The following SMARCD3 variants were observed in gnomAD, a reference collection of about 807,000 sequenced individuals.
SMARCD3 encodes the protein SWI/SNF related BAF chromatin remodeling complex subunit D3, also known as SWI/SNF-related matrix-associated actin-dependent regulator of chromatin subfamily D member 3.
In SMARCD3, 14 loss-of-function variants were observed where a neutral mutation model predicts 58.0. The ratio of observed to expected loss-of-function variants is 0.24; its 90% CI spans 0.16 to 0.38. The LOEUF is 0.38. SMARCD3 is among the 10% of genes least tolerant of loss of function. The probability of loss-of-function intolerance (pLI) is 1.00; values close to 1 mark genes in which losing one functional copy is unlikely to be tolerated. For synonymous variants in SMARCD3, 253 were observed against 253.8 expected (o/e 1.00, Z 0.03); for missense variants, 408 against 636.9 (o/e 0.64, Z 3.87).
rs755622354 is a variant in SMARCD3, at chr7:151,241,724, G to T, written c.778-71C>A. Reference sequence around the variant, plus strand: ...AAGGAGCCCAGGGCCAGGCCATTCAGGACTAGGGGGATGTGTTGATTGAGG... The same window carrying T: ...AAGGAGCCCAGGGCCAGGCCATTCATGACTAGGGGGATGTGTTGATTGAGG... On this transcript the variant is annotated intron_variant, in intron 7 of 12. Coordinates refer to ENST00000262188, the MANE Select transcript of SMARCD3 (RefSeq NM_001003801.2). The surrounding 1 kb of genome is among the most constrained non-coding windows in gnomAD (Gnocchi z 5.3). 4.1e-6 allele frequency: 6 copies of T among 1,457,894 alleles called. No individual in the cohort carries two copies. The highest frequency in any genetic ancestry group is 1.4e-5 in the African/African-American group (1 of 71,864). The allele number at this position is 1,457,894 out of a possible 1,614,324, so 90.3% of individuals were successfully genotyped here. A position where few individuals can be genotyped will look rare whatever the true frequency, so the allele number is the denominator to read the frequency against.
Position 151,239,612 on chromosome 7 carries a change from C to G in SMARCD3, c.1296+12G>C, listed in dbSNP as rs757029472. Reference sequence around the variant, plus strand: ...TCTTCCACTCCAGTACTCCCTGAGTCTCCCTCTTCACCTTGAGGTCCCGGC... The same window carrying G: ...TCTTCCACTCCAGTACTCCCTGAGTGTCCCTCTTCACCTTGAGGTCCCGGC... On this transcript the variant is annotated intron_variant, in intron 11 of 12. Coordinates refer to ENST00000262188, the MANE Select transcript of SMARCD3 (RefSeq NM_001003801.2). The surrounding 1 kb of genome is among the most constrained non-coding windows in gnomAD (Gnocchi z 7.0). 4.3e-6 allele frequency: 7 copies of G among 1,613,994 alleles called. No individual in the cohort carries two copies. In the East Asian group the frequency reaches 1.3e-4, roughly 31 times the overall value.
At position 151,242,890 on chromosome 7, in the gene SMARCD3, T is replaced by C; in HGVS notation, c.334-47A>G. The C allele has an allele frequency of 6.2e-7, 1 of 1,606,984 alleles. No individual in the cohort carries two copies. Among genetic ancestry groups the C allele is most frequent in the South Asian group, 1.1e-5 (1 of 90,288 alleles). On this transcript the variant is annotated intron_variant, in intron 3 of 12. Transcript: ENST00000262188. This position sits in a 1 kb window ranked among gnomAD's most constrained non-coding sequence, Gnocchi z 4.7. The stretch of plus-strand genomic sequence containing the variant: ...AGGAGTCAGAGGCTCAAGTCCAGGG[T>C]TGTACCATGGAATGTATGCATGTTG...
At chr7:151,266,544 A>T (rs971299447) in intron 2 of SMARCD3, among the ~76,000 whole-genome samples, 2 of 152,208 alleles carry the variant, frequency 1.3e-5, no homozygotes, top group African/African-American at 4.8e-5. Flanking sequence ...TGTATTGAGA[A>T]AGGGACAGGA....
rs1436772309 is a variant in SMARCD3 at position 151,239,560 on chromosome 7, C to T, written c.1297-63G>A. 1.2e-5 allele frequency: 19 copies of T among 1,611,706 alleles called. No homozygotes were observed. The highest frequency in any genetic ancestry group is 5.5e-5 in the South Asian group (5 of 91,040). On this transcript the variant is annotated intron_variant, in intron 11 of 12. Transcript: ENST00000262188. This position sits in a 1 kb window ranked among gnomAD's most constrained non-coding sequence, Gnocchi z 7.0. ...CCCCTCACCTGCCCCTGGAGTACAA[C>T]GTTTACTCTCTTTCCCGCTGTGCTT...
chr7:151,245,591 G>C lies in SMARCD3; in HGVS notation c.159C>G (p.Ser53Arg). Reference protein sequence around the residue: ...MGPPGSPYMGSPAVRPGLAPA... With the variant: ...MGPPGSPYMGRPAVRPGLAPA... The stretch of plus-strand genomic sequence containing the variant: ...GGGCCAGGCCGGGTCGCACGGCGGG[G>C]CTGCCCATGTACGGGGAGCCCGGGG... Residue 53 changes from serine (S) to arginine (R), a missense_variant, in exon 2 of 13, where the codon AGC becomes AGG. Around this residue, in one of 4 missense-constraint regions of SMARCD3, gnomAD observed 84 missense variants for 81.2 expected, o/e 1.03. Coordinates refer to ENST00000262188, the MANE Select transcript of SMARCD3 (RefSeq NM_001003801.2). This position sits in a 1 kb window ranked among gnomAD's most constrained non-coding sequence, Gnocchi z 6.2. 8.6e-7 allele frequency: 1 copy of C among 1,164,968 alleles called. No homozygotes were observed. The highest frequency in any genetic ancestry group is 1.1e-6 in the Non-Finnish European group (1 of 927,630). The allele number at this position is 1,164,968 out of a possible 1,614,324, so 72.2% of individuals were successfully genotyped here.
At chr7:151,275,762 C>T (rs1351842816) in intron 1 of SMARCD3, among the ~76,000 whole-genome samples, 1 of 152,198 alleles carries the variant, frequency 6.6e-6, no homozygotes, top group Non-Finnish European at 1.5e-5. Context: ...CCTGCTCTGT[C>T]CTGTCCTGCC....
chr7:151,264,898 G>T (rs1287923384), intron 2 of SMARCD3, among the ~76,000 whole-genome samples: 1 of 152,222 alleles, frequency 6.6e-6, no homozygotes, highest in Non-Finnish European at 1.5e-5. Flanking sequence ...GCCAGGTGGG[G>T]AATTAGTGTT....
At chr7:151,251,238 C>A (rs1047472256), upstream of SMARCD3, among the ~76,000 whole-genome samples, 108 of 152,196 alleles carry the variant, frequency 7.1e-4, no homozygotes, top group African/African-American at 2.3e-3. Flanking sequence ...CATACATAAG[C>A]GCTCTCCTGA....
intron 2 of SMARCD3, among the ~76,000 whole-genome samples, chr7:151,259,337 G>A (rs916787618): frequency 1.4e-5 from 2 of 144,460 alleles, no homozygotes; most frequent in Non-Finnish European, 3.0e-5. Flanking sequence ...AGGTGACAGA[G>A]AGAGACTCTG....
Position 151,242,978 on chromosome 7 carries a change from C to T in SMARCD3, c.334-135G>A. The T allele has an allele frequency of 9.9e-7, 1 of 1,007,322 alleles. No homozygotes were observed. The highest frequency in any genetic ancestry group is 1.4e-6 in the Non-Finnish European group (1 of 691,242). The allele number at this position is 1,007,322 out of a possible 1,614,324, so 62.4% of individuals were successfully genotyped here. On this transcript the variant is annotated intron_variant, in intron 3 of 12. Coordinates refer to ENST00000262188, the MANE Select transcript of SMARCD3 (RefSeq NM_001003801.2). The surrounding 1 kb of genome is among the most constrained non-coding windows in gnomAD (Gnocchi z 4.7). ...CCTACTTTTGGGCATGTAGCTTTGA[C>T]AGTGGGAACAGGACCTCTCCCCAGG...
chr7:151,253,881 C>T (rs1803611276), intron 2 of SMARCD3, among the ~76,000 whole-genome samples: 1 of 116,626 alleles, frequency 8.6e-6, no homozygotes. Flanking sequence ...TGGGCAGTGC[C>T]CTGACCTGCT....
At chr7:151,270,874 G>A (rs1795154598) in intron 2 of SMARCD3, among the ~76,000 whole-genome samples, 1 of 152,114 alleles carries the variant, frequency 6.6e-6, no homozygotes, top group Non-Finnish European at 1.5e-5. Context: ...GCAGTGACGT[G>A]GGAAATCAGA....
At position 151,243,828 on chromosome 7, in the gene SMARCD3, C is replaced by T. The variant is rs1179193672; in HGVS notation, c.291-127G>A. 8 of 766,738 alleles carry T rather than the reference C, an allele frequency of 1.0e-5. No individual in the cohort carries two copies. The East Asian group carries it at 1.5e-4, about 14-fold the overall frequency. 47.5% of individuals were successfully genotyped at this position (766,738 alleles called of 1,614,324 possible). On this transcript the variant is annotated intron_variant, in intron 2 of 12. Coordinates refer to ENST00000262188, the MANE Select transcript of SMARCD3 (RefSeq NM_001003801.2). This position sits in a 1 kb window ranked among gnomAD's most constrained non-coding sequence, Gnocchi z 4.4. ...GGGTTCCCACAGCCCACTTGTCTGC[C>T]CGCCCAAGGGCTGTGACGGTGGTGT... is the stretch of plus-strand genomic sequence containing the variant.
At chr7:151,273,497 C>A (rs185343586) in intron 2 of SMARCD3, among the ~76,000 whole-genome samples, 25 of 152,358 alleles carry the variant, frequency 1.6e-4, no homozygotes, top group Admixed American at 3.9e-4. Context: ...CCCCGTTCAA[C>A]CTGGCCTCTA....
chr7:151,245,683 CG>C lies in SMARCD3; in HGVS notation c.79-13del. On this transcript the variant is annotated splice_polypyrimidine_tract_variant and intron_variant, in intron 1 of 12. Transcript: ENST00000262188. The surrounding 1 kb of genome is among the most constrained non-coding windows in gnomAD (Gnocchi z 6.2). ...GGCATCCCGGGGCGCTGGGGGTGGG[CG>C]GGGGTGAAGCAGAAACGGGCGCCCG... The C allele has an allele frequency of 1.8e-5, 4 of 228,276 alleles. No individual in the cohort carries two copies. Among genetic ancestry groups the C allele is most frequent in the Non-Finnish European group, 3.1e-5 (4 of 130,074 alleles). The allele number at this position is 228,276 out of a possible 1,614,324, so 14.1% of individuals were successfully genotyped here. A position where few individuals can be genotyped will look rare whatever the true frequency, so the allele number is the denominator to read the frequency against.
chr7:151,266,707 G>T (rs1235778281), intron 2 of SMARCD3, among the ~76,000 whole-genome samples: 3 of 152,126 alleles, frequency 2.0e-5, no homozygotes, highest in African/African-American at 7.2e-5. Flanking sequence ...CAATATGGGA[G>T]GTTTTTTTTG....
rs1802878433 is a variant in SMARCD3 at position 151,239,986 on chromosome 7, CTCT to C, written c.1173+123_1173+125del. Reference sequence around the variant, plus strand: ...GTGTCCCATTGGCCCAGAGTCTGGTCTCTTTTTTTTTTTTTTTTTTAATTTAAC... The same window carrying C: ...GTGTCCCATTGGCCCAGAGTCTGGTCTTTTTTTTTTTTTTTTTAATTTAAC... On this transcript the variant is annotated intron_variant, in intron 10 of 12. Transcript: ENST00000262188. This position sits in a 1 kb window ranked among gnomAD's most constrained non-coding sequence, Gnocchi z 7.0. 5 of 945,452 alleles carry C rather than the reference CTCT, an allele frequency of 5.3e-6. 1 individual carries two copies. The highest frequency in any genetic ancestry group is 3.3e-5 in the South Asian group (2 of 60,922). The allele number at this position is 945,452 out of a possible 1,614,324, so 58.6% of individuals were successfully genotyped here. A position where few individuals can be genotyped will look rare whatever the true frequency, so the allele number is the denominator to read the frequency against.
At chr7:151,247,447 T>TACTG (rs1333815964) in intron 1 of SMARCD3, among the ~76,000 whole-genome samples, 4 of 151,984 alleles carry the variant, frequency 2.6e-5, no homozygotes, top group African/African-American at 4.8e-5. Flanking sequence ...AGGCCAGGGA[T>TACTG]ACTGGCCCAT....
upstream of SMARCD3, among the ~76,000 whole-genome samples, chr7:151,253,277 C>T (rs1197260530): frequency 6.6e-6 from 1 of 152,058 alleles, no homozygotes; most frequent in East Asian, 1.9e-4. Flanking sequence ...ATGGGGTCCT[C>T]AGGGACGCGG....
Sources: allele counts gnomAD v4.1 joint callset (sites outside exome capture counted in the v4.1 genomes callset), GRCh38; gene constraint gnomAD v4.1.1; regional missense constraint gnomAD v4.1.1; non-coding constraint Gnocchi (gnomAD v3.1); transcripts MANE v1.5; gene names NCBI Gene and HGNC (gene_info 2026-07-23, HGNC 2026-07-21).